Variants in TRHDE observed in about 807,000 individuals in gnomAD.
TRHDE encodes the protein thyrotropin-releasing hormone-degrading ectoenzyme.
In TRHDE, 72 loss-of-function variants were observed where a neutral mutation model predicts 125.7. The ratio of observed to expected loss-of-function variants is 0.57; its 90% CI spans 0.47 to 0.70. TRHDE has a LOEUF of 0.70. Ranked by LOEUF, TRHDE falls within the 30% of genes least tolerant of loss-of-function variation. The pLI is 0.00. For synonymous variants in TRHDE, 509 were observed against 509.1 expected, an observed-to-expected ratio of 1.00 and a Z score of 0.00; for missense variants, 1,110 against 1,327.1, an observed-to-expected ratio of 0.84 and a Z score of 2.54.
rs554444581 is a variant in TRHDE at position 72,189,777 on chromosome 12, G to A, written n.279+84025G>A. Among the ~76,000 whole-genome samples the A allele has an allele frequency of 5.9e-4, 90 of 152,238 alleles. 1 individual carries two copies. In the East Asian group the frequency reaches 0.016, roughly 28 times the overall value. ...CCTATTTATGGAGGGAACCCATAAA[G>A]CTATCAGTTTTGGGTGAGAGTGGGA... On this transcript the variant is annotated intron_variant and non_coding_transcript_variant, in intron 2 of 4. Transcript: ENST00000548156.
At chr12:72,131,932 A>C (rs576211183) in intron 2 of TRHDE, among the ~76,000 whole-genome samples, 1 of 152,336 alleles carries the variant, frequency 6.6e-6, no homozygotes, top group East Asian at 1.9e-4. Context: ...GGGATAGGTC[A>C]TCCTCTCACT....
At chr12:72,604,944 AC>A in intron 12 of TRHDE, among the ~76,000 whole-genome samples, 1 of 152,162 alleles carries the variant, frequency 6.6e-6, no homozygotes, top group South Asian at 2.1e-4. Context: ...TACTTTTTCT[AC>A]GTTTTATTTG....
At chr12:72,519,364 A>G (rs910718329) in intron 6 of TRHDE, among the ~76,000 whole-genome samples, 4 of 151,970 alleles carry the variant, frequency 2.6e-5, no homozygotes, top group African/African-American at 9.7e-5. Flanking sequence ...TTTTTTCTCT[A>G]AACTTCCTTT....
chr12:72,562,358 A>G (rs2136010957), intron 8 of TRHDE, 128 bp downstream of exon 8: 1 of 492,324 alleles, frequency 2.0e-6, no homozygotes, highest in South Asian at 3.8e-5. Context: ...ATTTGTTCAT[A>G]TTGATTTTTT....
At chr12:72,616,192 C>T (rs977561292) in intron 12 of TRHDE, among the ~76,000 whole-genome samples, 1 of 152,024 alleles carries the variant, frequency 6.6e-6, no homozygotes, top group African/African-American at 2.4e-5. Context: ...ATCAGGTTTG[C>T]TTTGCTTTTA....
intron 2 of TRHDE, among the ~76,000 whole-genome samples, chr12:72,216,708 A>T (rs1877899498): frequency 6.6e-6 from 1 of 152,176 alleles, no homozygotes; most frequent in Non-Finnish European, 1.5e-5. Context: ...AACAAATATC[A>T]TTTTTATATT....
chr12:72,309,681 TG>T (rs1229006945), intron 2 of TRHDE: 4 of 114,340 alleles, frequency 3.5e-5, no homozygotes, highest in Non-Finnish European at 8.5e-5. Context: ...TAAAAGGGTG[TG>T]TTTTTTTTTT....
intron 2 of TRHDE, among the ~76,000 whole-genome samples, chr12:72,375,322 A>T (rs1350413134): frequency 1.3e-5 from 2 of 152,220 alleles, no homozygotes; most frequent in African/African-American, 4.8e-5. Context: ...AGCACACAGC[A>T]GGTAAATAAT....
chr12:72,288,721 A>C (rs1879983099), intron 2 of TRHDE, among the ~76,000 whole-genome samples: 2 of 152,022 alleles, frequency 1.3e-5, no homozygotes, highest in African/African-American at 4.8e-5. Flanking sequence ...GCCCTAAACA[A>C]TTATGCTTGT....
At chr12:72,556,433 T>G (rs1869925767) in intron 7 of TRHDE, among the ~76,000 whole-genome samples, 1 of 152,144 alleles carries the variant, frequency 6.6e-6, no homozygotes, top group African/African-American at 2.4e-5. Flanking sequence ...GTAGCCAAGG[T>G]TATGCCACAG....
At chr12:72,397,132 G>A (rs754834250) in intron 3 of TRHDE, among the ~76,000 whole-genome samples, 55 of 152,176 alleles carry the variant, frequency 3.6e-4, no homozygotes, top group African/African-American at 1.2e-3. Context: ...TTTCATTTTC[G>A]TAAACGGCAA....
At chr12:72,201,031 A>G (rs2139354929) in intron 2 of TRHDE, among the ~76,000 whole-genome samples, 1 of 152,258 alleles carries the variant, frequency 6.6e-6, no homozygotes, top group African/African-American at 2.4e-5. Flanking sequence ...CTAGGGGTAA[A>G]ATTCTGGAGT....
chr12:72,164,120 CA>C (rs1876692635), intron 2 of TRHDE, among the ~76,000 whole-genome samples: 1 of 149,838 alleles, frequency 6.7e-6, no homozygotes, highest in Admixed American at 6.6e-5. Context: ...CAAAAACAAA[CA>C]AACAACAAAA....
At chr12:72,641,136 T>C (rs1437012943) in intron 15 of TRHDE, among the ~76,000 whole-genome samples, 2 of 152,246 alleles carry the variant, frequency 1.3e-5, no homozygotes, top group South Asian at 2.1e-4. Flanking sequence ...TCAAATTAGG[T>C]CTGCCAAAAA....
At chr12:72,636,707 G>T (rs1277450912) in intron 15 of TRHDE, among the ~76,000 whole-genome samples, 4 of 152,192 alleles carry the variant, frequency 2.6e-5, no homozygotes, top group Non-Finnish European at 5.9e-5. Context: ...AAAGTTTTTA[G>T]CATGAAGAGT....
chr12:72,207,437 C>A (rs1877690570), intron 2 of TRHDE, among the ~76,000 whole-genome samples: 1 of 151,780 alleles, frequency 6.6e-6, no homozygotes, highest in Non-Finnish European at 1.5e-5. Flanking sequence ...TACCATATGT[C>A]AATACTAGTG....
chr12:72,638,078 T>C (rs12228644), intron 15 of TRHDE, among the ~76,000 whole-genome samples: 22,069 of 145,924 alleles, frequency 0.15, 2,241 homozygotes, highest in East Asian at 0.53. Flanking sequence ...TCTGTCTCGT[T>C]GATCTGTCTA....
rs10161229 is a variant in TRHDE at position 72,632,296 on chromosome 12, A to G, written c.2675+10545A>G. On this transcript the variant is annotated intron_variant, in intron 15 of 18. Transcript: ENST00000261180. The stretch of plus-strand genomic sequence containing the variant: ...TGTTTCTATAGTTAGGCTTTATATG[A>G]TAGCAGGTACTTAGATTTACAGTGC... 6.1e-3 allele frequency among the ~76,000 whole-genome samples: 928 copies of G among 152,088 alleles called. 6 individuals are homozygous for G. Among genetic ancestry groups the G allele is most frequent in the African/African-American group, 0.021 (867 of 41,520 alleles).
intron 12 of TRHDE, among the ~76,000 whole-genome samples, chr12:72,599,476 T>C (rs767739913): frequency 6.6e-6 from 1 of 152,176 alleles, no homozygotes; most frequent in South Asian, 2.1e-4. Flanking sequence ...TGATTAGTGA[T>C]GTGGGTCATT....
Sources: allele counts gnomAD v4.1 joint callset (sites outside exome capture counted in the v4.1 genomes callset), GRCh38; gene constraint gnomAD v4.1.1; transcripts MANE v1.5; gene names NCBI Gene and HGNC (gene_info 2026-07-23, HGNC 2026-07-21).